PARVG: variants seen among roughly 807,000 people sequenced by gnomAD.
The protein encoded by PARVG is gamma-parvin.
Under a neutral mutation model 44.4 loss-of-function variants are expected in PARVG, and 36 were observed. That is an observed-to-expected ratio of 0.81 (90% CI 0.62 to 1.07). The LOEUF is 1.07. Ranked by LOEUF, PARVG falls within the 50% of genes least tolerant of loss-of-function variation. The pLI is 0.00. For missense variants in PARVG, 407 were observed against 407.4 expected (o/e 1.00, Z 0.01); for synonymous variants, 170 against 174.1 (o/e 0.98, Z 0.19).
chr22:44,173,284 G>A lies in PARVG; in HGVS notation c.-189+93G>A, dbSNP rs112901865. On this transcript the variant is annotated intron_variant, in intron 1 of 13. Coordinates refer to the PARVG transcript ENST00000422871. ...AGGAGCACAGGCTGCATGACACATG[G>A]AGGTGGTCTCCTTACTTTTCATGAT... 8.6e-4 allele frequency: 919 copies of A among 1,069,138 alleles called. 5 individuals carry two copies. The African/African-American group carries it at 0.013, about 15-fold the overall frequency. 66.2% of individuals were successfully genotyped at this position (1,069,138 alleles called of 1,614,324 possible).
chr22:44,204,274 C>T (rs1601750474), intron 12 of PARVG, among the ~76,000 whole-genome samples: 1 of 152,232 alleles, frequency 6.6e-6, no homozygotes, highest in South Asian at 2.1e-4. Context: ...GGACTCTGCT[C>T]ACCCACTTCC....
At position 44,206,566 on chromosome 22, in the gene PARVG, G is replaced by C. The variant is rs912281287; in HGVS notation, c.*140G>C. On this transcript the variant is annotated 3_prime_UTR_variant, in exon 14 of 14. Transcript: ENST00000444313. ...TCCCACCCTGTCTCCTGTCTCCATC[G>C]TTGGATTATCTTTGAACCCCCTTGT... 2 of 732,340 alleles carry C rather than the reference G, an allele frequency of 2.7e-6. No individual in the cohort carries two copies. Among genetic ancestry groups the C allele is most frequent in the African/African-American group, 3.6e-5 (2 of 56,168 alleles). The allele number at this position is 732,340 out of a possible 1,614,324, so 45.4% of individuals were successfully genotyped here. A position where few individuals can be genotyped will look rare whatever the true frequency, so the allele number is the denominator to read the frequency against.
chr22:44,175,792 G>A (rs9614361), intron 1 of PARVG, among the ~76,000 whole-genome samples: 35,920 of 152,150 alleles, frequency 0.24, 4,394 homozygotes, highest in Non-Finnish European at 0.27. Flanking sequence ...GGTCTGGGAC[G>A]AAGATGGAGC....
chr22:44,190,538 A>G lies in PARVG; in HGVS notation c.389-13A>G. ...GCCTCCTGGGCTCTGACCTGTCTCC[A>G]CTCTCTTCCCAGGCATCTTCAACAA... On this transcript the variant is annotated splice_polypyrimidine_tract_variant and intron_variant, in intron 6 of 13. Coordinates refer to ENST00000444313, the MANE Select transcript of PARVG (RefSeq NM_022141.7). 1 of 1,607,504 alleles carries G rather than the reference A, an allele frequency of 6.2e-7. No individual in the cohort carries two copies. Among genetic ancestry groups the G allele is most frequent in the East Asian group, 2.2e-5 (1 of 44,832 alleles).
chr22:44,193,065 G>A (rs1347675576), intron 8 of PARVG, among the ~76,000 whole-genome samples: 2 of 152,198 alleles, frequency 1.3e-5, no homozygotes, highest in African/African-American at 4.8e-5. Flanking sequence ...GGCAGCCTTG[G>A]CCTCTGTGCT....
At position 44,207,895 on chromosome 22, in the gene PARVG, T is replaced by G. The variant is rs893205000; in HGVS notation, c.*1469T>G. 5.9e-5 allele frequency: 9 copies of G among 152,398 alleles called. No homozygotes were observed. The highest frequency in any genetic ancestry group is 1.7e-4 in the African/African-American group (7 of 41,454). The allele number at this position is 152,398 out of a possible 1,614,324, so 9.4% of individuals were successfully genotyped here. Reference sequence around the variant, plus strand: ...CACCCCTCTTCATGGATACCCACCCTACTTCCCGGCTGCCTCTGGGAAACG... The same window carrying G: ...CACCCCTCTTCATGGATACCCACCCGACTTCCCGGCTGCCTCTGGGAAACG... On this transcript the variant is annotated 3_prime_UTR_variant, in exon 14 of 14. Transcript: ENST00000444313.
chr22:44,198,945 C>CCCACCCATCCAT (rs1569186454), intron 12 of PARVG, among the ~76,000 whole-genome samples: 2 of 23,052 alleles, frequency 8.7e-5, no homozygotes, highest in South Asian at 1.8e-3. Flanking sequence ...CATCCACCCA[C>CCCACCCATCCAT]CCATCCATCC....
At chr22:44,175,691 G>T (rs1422059553) in intron 1 of PARVG, among the ~76,000 whole-genome samples, 1 of 152,110 alleles carries the variant, frequency 6.6e-6, no homozygotes, top group African/African-American at 2.4e-5. Flanking sequence ...GTGTGGGGGG[G>T]TGGGGGTGTG....
chr22:44,196,544 C>T, intron 11 of PARVG, 129 bp downstream of exon 11: 1 of 1,132,262 alleles, frequency 8.8e-7, no homozygotes, highest in Non-Finnish European at 1.3e-6. Context: ...CCTTAGGGTC[C>T]CCCTCCCCGG....
chr22:44,184,812 G>A (rs1320407572), intron 3 of PARVG: 2 of 152,214 alleles, frequency 1.3e-5, no homozygotes, highest in African/African-American at 4.8e-5. Flanking sequence ...AAAGTGTCCT[G>A]AGGAAAGTTG....
rs537651554 is a variant in PARVG, at chr22:44,200,577, A to T, written c.813+1855A>T. On this transcript the variant is annotated intron_variant, in intron 12 of 13. Coordinates refer to ENST00000444313, the MANE Select transcript of PARVG (RefSeq NM_022141.7). ...TGGTGGCGTGCCCAGGATCCCGGGC[A>T]GCCAGCTTATCTCCATCCATGCCAG... Among the ~76,000 whole-genome samples, 5 of 152,308 alleles carry T rather than the reference A, an allele frequency of 3.3e-5. No homozygotes were observed. The East Asian group carries it at 9.6e-4, about 29-fold the overall frequency.
At chr22:44,180,229 C>G (rs2054357919), upstream of PARVG, among the ~76,000 whole-genome samples, 1 of 152,188 alleles carries the variant, frequency 6.6e-6, no homozygotes, top group African/African-American at 2.4e-5. Context: ...TGTTCCTGGG[C>G]TCTGCCACCC....
chr22:44,192,916 G>A (rs932380), intron 8 of PARVG, among the ~76,000 whole-genome samples: 1 of 152,134 alleles, frequency 6.6e-6, no homozygotes, highest in African/African-American at 2.4e-5. Context: ...CAGGTCCACC[G>A]TTGCTGGCTT....
At chr22:44,198,962 C>CCATT (rs2054664896) in intron 12 of PARVG, among the ~76,000 whole-genome samples, 1 of 139,582 alleles carries the variant, frequency 7.2e-6, no homozygotes, top group Non-Finnish European at 1.6e-5. Context: ...ATCCATCCAT[C>CCATT]CATCCATCCA....
At chr22:44,183,024 G>T in intron 2 of PARVG, 2 of 406,436 alleles carry the variant, frequency 4.9e-6, no homozygotes, top group East Asian at 1.1e-4. Flanking sequence ...GCAGGAGCAC[G>T]GTGGGCGGCC....
intron 11 of PARVG, among the ~76,000 whole-genome samples, chr22:44,197,484 G>A (rs554140834): frequency 6.6e-6 from 1 of 152,350 alleles, no homozygotes; most frequent in South Asian, 2.1e-4. Context: ...TGGGGCCAGA[G>A]TTAGTGCTTA....
At chr22:44,195,674 G>C (rs1284080362) in intron 9 of PARVG, among the ~76,000 whole-genome samples, 1 of 152,156 alleles carries the variant, frequency 6.6e-6, no homozygotes, top group African/African-American at 2.4e-5. Context: ...TCCTCACTCA[G>C]CCAATTTAAA....
At chr22:44,185,443 G>C (rs1466919443) in intron 3 of PARVG, 1 of 184,876 alleles carries the variant, frequency 5.4e-6, no homozygotes, top group Non-Finnish European at 1.1e-5. Flanking sequence ...CAGACCTGGG[G>C]TAAGTCCCAC....
At chr22:44,187,402 C>T (rs1314891524) in intron 4 of PARVG, 2 of 279,148 alleles carry the variant, frequency 7.2e-6, no homozygotes, top group African/African-American at 4.3e-5. Flanking sequence ...CTACTGACCA[C>T]CTCTTCAGGG....
Sources: gnomAD v4.1 joint callset for allele counts (sites outside exome capture counted in the v4.1 genomes callset) on GRCh38, gnomAD v4.1.1 for gene constraint, MANE v1.5 for transcripts, NCBI Gene and HGNC (gene_info 2026-07-23, HGNC 2026-07-21) for gene names.